Variants in HDAC4 observed in about 807,000 individuals in gnomAD.
HDAC4 encodes the protein histone deacetylase 4.
A neutral mutation model predicts 135.1 loss-of-function variants in HDAC4; 16 were observed. That is an observed-to-expected ratio of 0.12 (90% CI 0.08 to 0.18). HDAC4 has a LOEUF of 0.18. Among genes scored for constraint, HDAC4 ranks in the 10% least tolerant of loss-of-function variants. The probability of loss-of-function intolerance (pLI) is 1.00; values close to 1 mark genes in which losing one functional copy is unlikely to be tolerated. For synonymous variants in HDAC4, 685 were observed against 653.4 expected, an observed-to-expected ratio of 1.05 and a Z score of -0.74; for missense variants, 1,143 against 1,511.8, an observed-to-expected ratio of 0.76 and a Z score of 4.05.
chr2:239,120,395 G>GCACACACAGACGCACA (rs769025619), intron 12 of HDAC4, among the ~76,000 whole-genome samples: 60 of 145,314 alleles, frequency 4.1e-4, no homozygotes, highest in Non-Finnish European at 6.5e-4. Flanking sequence ...ACACACAGAC[G>GCACACACAGACGCACA]CACACAGACA....
chr2:239,229,289 A>G (rs1447161602), intron 3 of HDAC4, among the ~76,000 whole-genome samples: 5 of 152,156 alleles, frequency 3.3e-5, no homozygotes, highest in Non-Finnish European at 5.9e-5. Context: ...GAGTAACGCT[A>G]TATTGCAGTC....
chr2:239,076,403 C>T (rs1252086813), intron 22 of HDAC4, among the ~76,000 whole-genome samples: 1 of 152,250 alleles, frequency 6.6e-6, no homozygotes, highest in East Asian at 1.9e-4. Context: ...CCTGTACATA[C>T]CATCCTCAAA....
At chr2:239,334,518 C>T (rs1435952431) in intron 2 of HDAC4, among the ~76,000 whole-genome samples, 2 of 96,806 alleles carry the variant, frequency 2.1e-5, no homozygotes, top group African/African-American at 7.5e-5. Flanking sequence ...AAGACTCCAT[C>T]TCAAAACAAA....
In HDAC4 at chr2:239,400,677, C is replaced by A; in HGVS notation, c.-220+301G>T. ...GGACAATGGCCCGCGGGCGCCGGGC[C>A]GGGGCTGCGCTTACCGCGGCGGGCG... On this transcript the variant is annotated intron_variant, in intron 1 of 26. Coordinates refer to ENST00000543185, the MANE Select transcript of HDAC4 (RefSeq NM_001378414.1). This position sits in a 1 kb window ranked among gnomAD's most constrained non-coding sequence, Gnocchi z 4.7. The A allele has an allele frequency of 6.8e-6, 1 of 146,454 alleles. No individual in the cohort carries two copies. Among genetic ancestry groups the A allele is most frequent in the South Asian group, 1.8e-4 (1 of 5,418 alleles). 9.1% of individuals were successfully genotyped at this position (146,454 alleles called of 1,614,324 possible). A position where few individuals can be genotyped will look rare whatever the true frequency, so the allele number is the denominator to read the frequency against.
intron 4 of HDAC4, among the ~76,000 whole-genome samples, chr2:239,181,809 G>C (rs2044171253): frequency 6.6e-6 from 1 of 152,228 alleles, no homozygotes; most frequent in African/African-American, 2.4e-5. Flanking sequence ...GACTGGAAGA[G>C]GTGGCATGGG....
At chr2:239,271,026 C>T (rs1031897629) in intron 2 of HDAC4, among the ~76,000 whole-genome samples, 1 of 152,196 alleles carries the variant, frequency 6.6e-6, no homozygotes, top group African/African-American at 2.4e-5. Flanking sequence ...CTGATAGACA[C>T]ACAACCTTCA....
chr2:239,200,296 A>C (rs1321081931), intron 3 of HDAC4, among the ~76,000 whole-genome samples: 4 of 152,222 alleles, frequency 2.6e-5, no homozygotes, highest in Non-Finnish European at 5.9e-5. Flanking sequence ...GACCCATTCC[A>C]AACGCTGACT....
At chr2:239,142,233 C>T (rs1329522261) in intron 8 of HDAC4, among the ~76,000 whole-genome samples, 2 of 152,166 alleles carry the variant, frequency 1.3e-5, no homozygotes, top group Admixed American at 1.3e-4. Context: ...AGAGTATCCA[C>T]CTGGCTCTCT....
Position 239,102,885 on chromosome 2 carries a change from T to A in HDAC4, c.2124A>T (p.Gly708=). The stretch of plus-strand genomic sequence containing the variant: ...GTAGCTCCTCCAGGGTGGCCTTGCG[T>A]CCGCGGATGCACTGTGGGGACAGGC... ...GLRGKCECIR[G]RKATLEELQT... The change falls in exon 16 of 27, where the codon GGA becomes GGT. Residue 708 remains glycine, a synonymous_variant. Transcript: ENST00000543185. 1 of 1,613,860 alleles carries A rather than the reference T, an allele frequency of 6.2e-7. No individual in the cohort carries two copies. Among genetic ancestry groups the A allele is most frequent in the Non-Finnish European group, 8.5e-7 (1 of 1,180,020 alleles).
rs78641241 is a variant in HDAC4 at position 239,258,537 on chromosome 2, G to A, written c.23-21873C>T. On this transcript the variant is annotated intron_variant, in intron 2 of 26. Transcript: ENST00000543185. ...GAAGGACTGCTTAGAAGTACTAGAA[G>A]ATGGTAACTGTCAAACTAGAATCCT... is the stretch of plus-strand genomic sequence containing the variant. 5.5e-3 allele frequency among the ~76,000 whole-genome samples: 837 copies of A among 152,308 alleles called. 4 individuals carry two copies. The Middle Eastern group carries it at 0.068, about 12-fold the overall frequency.
chr2:239,388,283 C>T (rs1253251557), intron 1 of HDAC4, among the ~76,000 whole-genome samples: 1 of 152,192 alleles, frequency 6.6e-6, no homozygotes, highest in Non-Finnish European at 1.5e-5. Context: ...ACCACTGTGG[C>T]TCTCCGCTCG....
At chr2:239,132,484 AAAGC>A (rs1399938936) in intron 11 of HDAC4, among the ~76,000 whole-genome samples, 6 of 152,204 alleles carry the variant, frequency 3.9e-5, no homozygotes, top group African/African-American at 1.4e-4. Context: ...GCACAGGCGT[AAAGC>A]AAGGCCAGAG....
At chr2:239,056,219 CA>C (rs989175283) in intron 24 of HDAC4, among the ~76,000 whole-genome samples, 2 of 152,202 alleles carry the variant, frequency 1.3e-5, no homozygotes, top group Non-Finnish European at 2.9e-5. Context: ...TTCCCAAACA[CA>C]AAAACCCCAA....
chr2:239,386,269 ACT>A (rs2126081870), intron 1 of HDAC4, among the ~76,000 whole-genome samples: 1 of 152,196 alleles, frequency 6.6e-6, no homozygotes, highest in Admixed American at 6.5e-5. Context: ...GGTCACAGAC[ACT>A]GAGACTCAAA....
chr2:239,133,121 C>T (rs3791466), intron 11 of HDAC4, among the ~76,000 whole-genome samples: 19,689 of 152,206 alleles, frequency 0.13, 1,626 homozygotes, highest in Non-Finnish European at 0.18. Context: ...ACAAAGATTG[C>T]GCCATTTGGC....
chr2:239,115,077 A>G lies in HDAC4; in HGVS notation c.1767T>C (p.Ser589=), dbSNP rs1435219740. Residue 589 remains serine, a synonymous_variant, in exon 13 of 27, where the codon AGT becomes AGC. Coordinates refer to ENST00000543185, the MANE Select transcript of HDAC4 (RefSeq NM_001378414.1). This position sits in a 1 kb window ranked among gnomAD's most constrained non-coding sequence, Gnocchi z 6.3. The part of the protein sequence containing the change: ...REVEPGQRQP[S]EQELLFRQQA... ...CCTGTCTGAAGAGCAGCTCCTGCTC[A>G]CTGGGCTGGCGCTGGCCCGGCTCCA... 2 of 1,611,212 alleles carry G rather than the reference A, an allele frequency of 1.2e-6. No homozygotes were observed. Among genetic ancestry groups the G allele is most frequent in the Admixed American group, 3.3e-5 (2 of 59,996 alleles).
At chr2:239,174,984 G>A (rs2043665141) in intron 5 of HDAC4, among the ~76,000 whole-genome samples, 1 of 152,164 alleles carries the variant, frequency 6.6e-6, no homozygotes, top group Non-Finnish European at 1.5e-5. Flanking sequence ...TTGGGGAAGG[G>A]GGAAGTGCAT....
chr2:239,246,688 A>G (rs527853474), intron 2 of HDAC4, among the ~76,000 whole-genome samples: 34 of 152,368 alleles, frequency 2.2e-4, no homozygotes, highest in Middle Eastern at 3.4e-3. Flanking sequence ...TGGCATGGCC[A>G]GGCTGCTTCC....
intron 24 of HDAC4, among the ~76,000 whole-genome samples, chr2:239,061,982 G>A (rs2032810863): frequency 6.6e-6 from 1 of 152,266 alleles, no homozygotes; most frequent in African/African-American, 2.4e-5. Context: ...CCGGGGGCAC[G>A]GGCCTGGGCC....
Sources: allele counts gnomAD v4.1 joint callset (sites outside exome capture counted in the v4.1 genomes callset), GRCh38; gene constraint gnomAD v4.1.1; non-coding constraint Gnocchi (gnomAD v3.1); transcripts MANE v1.5; gene names NCBI Gene and HGNC (gene_info 2026-07-23, HGNC 2026-07-21).